The following DPP10 variants were observed in gnomAD, a reference collection of about 807,000 sequenced individuals.
DPP10 encodes dipeptidyl peptidase like 10.
DPP10 carries 33 observed loss-of-function variants against 120.9 expected under a neutral mutation model. That is an observed-to-expected ratio of 0.27 (90% CI 0.21 to 0.37). DPP10 has a LOEUF of 0.37. DPP10 is among the 10% of genes least tolerant of loss of function. DPP10 has a pLI of 1.00. For missense variants in DPP10, 816 were observed against 942.8 expected (o/e 0.87, Z 1.76); for synonymous variants, 337 against 326.1 (o/e 1.03, Z -0.36).
chr2:115,032,311 A>C (rs1703897628), intron 1 of DPP10, among the ~76,000 whole-genome samples: 1 of 152,164 alleles, frequency 6.6e-6, no homozygotes, highest in South Asian at 2.1e-4. Flanking sequence ...TGAAGAAGTA[A>C]AAAACCTGAA....
At chr2:115,696,737 G>A (rs1357165848) in intron 7 of DPP10, among the ~76,000 whole-genome samples, 1 of 152,164 alleles carries the variant, frequency 6.6e-6, no homozygotes, top group African/African-American at 2.4e-5. Flanking sequence ...ACAATGATTT[G>A]TAACTGCACT....
chr2:115,026,373 C>G (rs562906172), intron 1 of DPP10, among the ~76,000 whole-genome samples: 1 of 152,066 alleles, frequency 6.6e-6, no homozygotes, highest in South Asian at 2.1e-4. Flanking sequence ...TTCCATTGGT[C>G]TATGTATCTG....
chr2:114,857,780 A>T (rs1405593259), intron 1 of DPP10, among the ~76,000 whole-genome samples: 2 of 152,174 alleles, frequency 1.3e-5, no homozygotes, highest in Non-Finnish European at 2.9e-5. Context: ...AAATGAGCCC[A>T]TAAAGGAACT....
chr2:115,774,440 C>T (rs1681853553), intron 13 of DPP10, among the ~76,000 whole-genome samples: 1 of 151,920 alleles, frequency 6.6e-6, no homozygotes, highest in Non-Finnish European at 1.5e-5. Context: ...CAAAGCAGGG[C>T]CTGGAAACAA....
chr2:115,284,687 G>A (rs1191800270), intron 1 of DPP10, among the ~76,000 whole-genome samples: 4 of 151,824 alleles, frequency 2.6e-5, no homozygotes, highest in Non-Finnish European at 5.9e-5. Flanking sequence ...TGCAGTGAGG[G>A]GAAAACATGG....
rs554349006 is a variant in DPP10 at position 115,687,878 on chromosome 2, G to A, written c.442-1809G>A. On this transcript the variant is annotated intron_variant, in intron 5 of 25. Transcript: ENST00000410059. ...CCAGCAACTTTTTCTCTTTAGATGTGTGCCTAAAAGCCAGGTACAGTGTGG... is the reference window on the plus strand; with the variant it reads ...CCAGCAACTTTTTCTCTTTAGATGTATGCCTAAAAGCCAGGTACAGTGTGG... 2.2e-4 allele frequency among the ~76,000 whole-genome samples: 33 copies of A among 152,154 alleles called. No individual in the cohort carries two copies. In the South Asian group the frequency reaches 3.9e-3, roughly 18 times the overall value.
chr2:115,739,773 G>A lies in DPP10; in HGVS notation c.732G>A (p.Trp244Ter). Reference sequence around the variant, plus strand: ...TGCATTCTCACATCGCCCACTGGTGGTCACCAGATGGAGAAAGACTTGCCT... The same window carrying A: ...TGCATTCTCACATCGCCCACTGGTGATCACCAGATGGAGAAAGACTTGCCT... The part of the protein sequence containing the change: ...ELLHSHIAHW[W>*]SPDGERLAFL... Residue 244 changes from tryptophan (W) to a stop codon, truncating the protein, a stop_gained, in exon 9 of 26, where the codon TGG becomes TGA. Transcript: ENST00000410059. LOFTEE classifies it high-confidence loss of function. 2 of 1,613,476 alleles carry A rather than the reference G, an allele frequency of 1.2e-6. No homozygotes were observed. Among genetic ancestry groups the A allele is most frequent in the Non-Finnish European group, 1.7e-6 (2 of 1,179,524 alleles).
intron 1 of DPP10, among the ~76,000 whole-genome samples, chr2:115,032,880 G>A (rs1412948801): frequency 1.1e-4 from 16 of 140,392 alleles, no homozygotes; most frequent in African/African-American, 3.5e-4. Flanking sequence ...GCAAGACTCC[G>A]TCAAAAAAAA....
chr2:115,306,108 C>T (rs1232358264), intron 1 of DPP10, among the ~76,000 whole-genome samples: 1 of 151,900 alleles, frequency 6.6e-6, no homozygotes, highest in African/African-American at 2.4e-5. Context: ...TTTTGAGGCT[C>T]AGAATAATTT....
chr2:115,472,241 A>C (rs2074774793), intron 3 of DPP10, among the ~76,000 whole-genome samples: 1 of 152,176 alleles, frequency 6.6e-6, no homozygotes, highest in Non-Finnish European at 1.5e-5. Flanking sequence ...GAATGTAGAA[A>C]ATAATGCAAA....
intron 1 of DPP10, among the ~76,000 whole-genome samples, chr2:114,888,739 G>T (rs951225025): frequency 1.3e-5 from 2 of 152,144 alleles, no homozygotes; most frequent in African/African-American, 4.8e-5. Flanking sequence ...CACCCAGCTT[G>T]GGTTAAAAAT....
chr2:115,493,766 C>T (rs913193211), intron 3 of DPP10, among the ~76,000 whole-genome samples: 11 of 151,920 alleles, frequency 7.2e-5, no homozygotes, highest in Non-Finnish European at 1.2e-4. Flanking sequence ...AGTGATGATG[C>T]TGGAAGTCTG....
chr2:114,491,488 T>G (rs1371654266), intron 1 of DPP10, among the ~76,000 whole-genome samples: 1 of 152,212 alleles, frequency 6.6e-6, no homozygotes, highest in Non-Finnish European at 1.5e-5. Flanking sequence ...AGGAGAATGT[T>G]TCTTCCTCAT....
intron 5 of DPP10, among the ~76,000 whole-genome samples, chr2:115,635,672 T>A (rs2086266873): frequency 6.6e-6 from 1 of 152,194 alleles, no homozygotes; most frequent in South Asian, 2.1e-4. Context: ...TTGGAGAGGA[T>A]CTTAGCTCTA....
intron 1 of DPP10, among the ~76,000 whole-genome samples, chr2:114,536,408 C>CTTTTTTTTTTTT (rs70937287): frequency 5.4e-5 from 7 of 128,728 alleles, no homozygotes; most frequent in Non-Finnish European, 6.4e-5. Flanking sequence ...TTTTCTTTTT[C>CTTTTTTTTTTTT]TTTTTTTTTT....
intron 1 of DPP10, among the ~76,000 whole-genome samples, chr2:114,685,479 C>T (rs1478678870): frequency 1.3e-5 from 2 of 151,944 alleles, no homozygotes; most frequent in Non-Finnish European, 2.9e-5. Flanking sequence ...TAACGGCGTC[C>T]ATTTCTCTCT....
At chr2:115,104,099 A>G (rs1246121392) in intron 1 of DPP10, among the ~76,000 whole-genome samples, 1 of 150,846 alleles carries the variant, frequency 6.6e-6, no homozygotes, top group East Asian at 2.0e-4. Context: ...TTATACATGG[A>G]ATTTTCCATT....
intron 1 of DPP10, among the ~76,000 whole-genome samples, chr2:114,829,777 G>A (rs967437537): frequency 6.6e-6 from 1 of 151,910 alleles, no homozygotes; most frequent in African/African-American, 2.4e-5. Flanking sequence ...TTTTTTCAAG[G>A]TTCCTAAAAT....
At chr2:115,760,274 G>A (rs1181020236) in intron 11 of DPP10, among the ~76,000 whole-genome samples, 3 of 152,084 alleles carry the variant, frequency 2.0e-5, no homozygotes, top group African/African-American at 7.2e-5. Context: ...CAATATGAGC[G>A]AATCTCAAAA....
Sources: allele counts gnomAD v4.1 joint callset (sites outside exome capture counted in the v4.1 genomes callset), GRCh38; gene constraint gnomAD v4.1.1; transcripts MANE v1.5; gene names NCBI Gene and HGNC (gene_info 2026-07-23, HGNC 2026-07-21).